Variants in TMCC2 observed in about 807,000 individuals in gnomAD.
TMCC2 encodes the protein transmembrane and coiled-coil domain family 2.
TMCC2 carries 16 observed loss-of-function variants against 49.4 expected under a neutral mutation model. That is an observed-to-expected ratio of 0.32 (90% CI 0.22 to 0.49). The LOEUF is 0.49. Ranked by LOEUF, TMCC2 falls within the 20% of genes least tolerant of loss-of-function variation. TMCC2 has a pLI of 0.99. For missense variants in TMCC2, 762 were observed against 989.8 expected (o/e 0.77, Z 3.09); for synonymous variants, 397 against 434.1 (o/e 0.91, Z 1.06).
At chr1:205,240,877 C>T (rs976564961) in intron 1 of TMCC2, among the ~76,000 whole-genome samples, 5 of 152,220 alleles carry the variant, frequency 3.3e-5, no homozygotes, top group Admixed American at 3.3e-4. Context: ...TGTGGCTACT[C>T]CTAGCTGCAA....
chr1:205,235,189 C>A (rs115064645), intron 1 of TMCC2, among the ~76,000 whole-genome samples: 22 of 152,142 alleles, frequency 1.4e-4, no homozygotes, highest in Non-Finnish European at 2.8e-4. Context: ...TTGCCTCCCC[C>A]CCACCCCCTC....
At chr1:205,229,762 A>G (rs1437827074) in intron 1 of TMCC2, 2 of 985,516 alleles carry the variant, frequency 2.0e-6, no homozygotes, top group Non-Finnish European at 2.4e-6. Flanking sequence ...CCAGAAGCCG[A>G]AAGAACTGTT....
rs1401190592 is a variant in TMCC2, at chr1:205,269,878, G to A, written c.1676G>A (p.Arg559His). 4 of 1,610,826 alleles carry A rather than the reference G, an allele frequency of 2.5e-6. No individual in the cohort carries two copies. The highest frequency in any genetic ancestry group is 1.1e-5 in the South Asian group (1 of 90,992). ...ATGACCCAGTGCCTGCAGGAGGAGC[G>A]CTACAGGTAGGTGCCTGCCCACCCC... is the stretch of plus-strand genomic sequence containing the variant. Reference protein sequence around the residue: ...TYMTQCLQEERYRYERLEEQL... With the variant: ...TYMTQCLQEEHYRYERLEEQL... Residue 559 changes from arginine (R) to histidine (H), a missense_variant, in exon 3 of 5, where the codon CGC (arginine) becomes CAC (histidine). This residue lies in a region of TMCC2 where 440 missense variants were observed against 636.7 expected (regional missense o/e 0.69). Coordinates refer to ENST00000358024, the MANE Select transcript of TMCC2 (RefSeq NM_014858.4).
intron 2 of TMCC2, among the ~76,000 whole-genome samples, chr1:205,265,568 T>C (rs1048947222): frequency 3.3e-5 from 5 of 151,374 alleles, no homozygotes; most frequent in African/African-American, 7.3e-5. Flanking sequence ...CTTTTCTTTT[T>C]TTTTTTTTTT....
At chr1:205,262,221 C>G (rs1661146175) in intron 2 of TMCC2, among the ~76,000 whole-genome samples, 1 of 152,144 alleles carries the variant, frequency 6.6e-6, no homozygotes, top group Non-Finnish European at 1.5e-5. Flanking sequence ...AAGTGATGTT[C>G]TGTGATTGGA....
chr1:205,272,300 CTG>C lies in TMCC2; in HGVS notation c.*177_*178del. 1 of 1,305,176 alleles carries C rather than the reference CTG, an allele frequency of 7.7e-7. No individual in the cohort carries two copies. Among genetic ancestry groups the C allele is most frequent in the Non-Finnish European group, 1.0e-6 (1 of 982,208 alleles). The allele number at this position is 1,305,176 out of a possible 1,614,324, so 80.8% of individuals were successfully genotyped here. On this transcript the variant is annotated 3_prime_UTR_variant, in exon 5 of 5. Transcript: ENST00000358024. ...TGTCTGACACCTTCTCCCTGTTGGC[CTG>C]AAGGGAGCTTAGAATGCAGCCCTAC...
At chr1:205,233,764 G>A (rs1471761921) in intron 1 of TMCC2, 1 of 151,140 alleles carries the variant, frequency 6.6e-6, no homozygotes, top group East Asian at 1.9e-4. Context: ...TGACATTCCC[G>A]AGAAGCACCT....
Position 205,241,810 on chromosome 1 carries a change from T to C in TMCC2, c.513T>C (p.Ser171=), listed in dbSNP as rs1471173513. ...GGGGCGCCAGCCTGCACAGCAGCAG[T>C]GGGGGCGGCAGCAGCGGGAGCAGCA... The part of the protein sequence containing the change: ...IKRGASLHSS[S]GGGSSGSSSR... The change falls in exon 2 of 5, where the codon AGT becomes AGC. Residue 171 remains serine, a synonymous_variant. Transcript: ENST00000358024. The surrounding 1 kb of genome is among the most constrained non-coding windows in gnomAD (Gnocchi z 7.3). 1.2e-6 allele frequency: 2 copies of C among 1,605,518 alleles called. No individual in the cohort carries two copies. Among genetic ancestry groups the C allele is most frequent in the East Asian group, 2.2e-5 (1 of 44,560 alleles).
chr1:205,232,969 A>C (rs1420958079), intron 1 of TMCC2, among the ~76,000 whole-genome samples: 8 of 143,838 alleles, frequency 5.6e-5, no homozygotes, highest in Non-Finnish European at 1.2e-4. Context: ...AACACAAAAA[A>C]ACACACACAC....
chr1:205,268,762 AC>A (rs1461914451), intron 2 of TMCC2, 187 bp from the exon 3 acceptor site: 1 of 615,618 alleles, frequency 1.6e-6, no homozygotes, highest in Non-Finnish European at 2.8e-6. Context: ...TGCTGTGGGG[AC>A]GGGGTAGAGA....
At chr1:205,232,429 T>A (rs1237294735) in intron 1 of TMCC2, among the ~76,000 whole-genome samples, 1 of 152,216 alleles carries the variant, frequency 6.6e-6, no homozygotes, top group Non-Finnish European at 1.5e-5. Context: ...ATGTTTCGAT[T>A]CATTTGTCCT....
At chr1:205,256,413 T>C (rs1660874821) in intron 2 of TMCC2, 1 of 1,550,926 alleles carries the variant, frequency 6.4e-7, no homozygotes, top group Non-Finnish European at 8.7e-7. Flanking sequence ...AGGAAGAGAC[T>C]GCTGTGAGTT....
chr1:205,261,844 C>T (rs540886133), intron 2 of TMCC2, among the ~76,000 whole-genome samples: 1 of 152,242 alleles, frequency 6.6e-6, no homozygotes, highest in South Asian at 2.1e-4. Flanking sequence ...AATTAGTGCC[C>T]AACTCCAACT....
intron 2 of TMCC2, chr1:205,256,441 CT>C (rs1448438353): frequency 1.7e-5 from 27 of 1,549,778 alleles, no homozygotes; most frequent in Non-Finnish European, 2.3e-5. Flanking sequence ...TGTGCTTTAT[CT>C]TGGGTGTTTT....
At chr1:205,270,950 T>G (rs547927751) in intron 3 of TMCC2, among the ~76,000 whole-genome samples, 170 bp from the exon 4 acceptor site, 2 of 152,240 alleles carry the variant, frequency 1.3e-5, no homozygotes, top group African/African-American at 2.4e-5. Flanking sequence ...TAAGAAGTGC[T>G]GTGTAAATAG....
At chr1:205,237,554 A>G (rs1334799027) in intron 1 of TMCC2, among the ~76,000 whole-genome samples, 1 of 152,238 alleles carries the variant, frequency 6.6e-6, no homozygotes, top group East Asian at 1.9e-4. Flanking sequence ...TTGAGAACAC[A>G]CGTACCTGTA....
intron 2 of TMCC2, chr1:205,257,454 G>A: frequency 8.4e-7 from 1 of 1,195,688 alleles, no homozygotes; most frequent in Non-Finnish European, 1.0e-6. Flanking sequence ...CAGTTAGTCA[G>A]GTGGGCTGTG....
At chr1:205,268,478 G>A (rs1251118249) in intron 2 of TMCC2, among the ~76,000 whole-genome samples, 2 of 152,182 alleles carry the variant, frequency 1.3e-5, no homozygotes, top group African/African-American at 4.8e-5. Context: ...GCCAGGCATG[G>A]TGGTGGGTGC....
At chr1:205,268,575 C>T (rs1286536676) in intron 2 of TMCC2, among the ~76,000 whole-genome samples, 1 of 152,196 alleles carries the variant, frequency 6.6e-6, no homozygotes, top group Non-Finnish European at 1.5e-5. Context: ...GATTACGCTA[C>T]TGCAGTCCAG....
Sources: allele counts gnomAD v4.1 joint callset (sites outside exome capture counted in the v4.1 genomes callset), GRCh38; gene constraint gnomAD v4.1.1; regional missense constraint gnomAD v4.1.1; non-coding constraint Gnocchi (gnomAD v3.1); transcripts MANE v1.5; gene names NCBI Gene and HGNC (gene_info 2026-07-23, HGNC 2026-07-21).